The following IMMP2L variants were observed in gnomAD, a reference collection of about 807,000 sequenced individuals.
The protein encoded by IMMP2L is inner mitochondrial membrane peptidase subunit 2, also known as mitochondrial inner membrane protease subunit 2.
In IMMP2L, 18 loss-of-function variants were observed where a neutral mutation model predicts 19.3. The observed-to-expected ratio is 0.93, with a 90% CI of 0.64 to 1.38. IMMP2L has a LOEUF of 1.38. IMMP2L is among the 40% of genes most tolerant of loss of function. The pLI, the probability that IMMP2L is intolerant of heterozygous loss-of-function variation, is 0.00. For missense variants in IMMP2L, 233 were observed against 218.2 expected, an observed-to-expected ratio of 1.07 and a Z score of -0.43; for synonymous variants, 76 against 73.0, an observed-to-expected ratio of 1.04 and a Z score of -0.21.
At chr7:111,540,169 T>C (rs1001810743) in intron 1 of IMMP2L, among the ~76,000 whole-genome samples, 5 of 152,302 alleles carry the variant, frequency 3.3e-5, no homozygotes, top group Admixed American at 6.5e-5. Flanking sequence ...CAAACTCATA[T>C]TTAAATAATA....
chr7:111,551,495 G>GGTGTGTGTGT (rs60697579), intron 1 of IMMP2L, among the ~76,000 whole-genome samples: 43 of 145,354 alleles, frequency 3.0e-4, no homozygotes, highest in African/African-American at 5.1e-4. Flanking sequence ...GACTGTTAGA[G>GGTGTGTGTGT]GTGTGTGTGT....
In IMMP2L at chr7:110,714,210, A is replaced by G. The variant is rs147524414; in HGVS notation, c.409-50489T>C. ...CACATGGTTCTTTTTAATTCTGTTG[A>G]TGTGGTGAATCACATTTATTGACTT... is the stretch of plus-strand genomic sequence containing the variant. On this transcript the variant is annotated intron_variant, in intron 5 of 5. Coordinates refer to ENST00000405709, the MANE Select transcript of IMMP2L (RefSeq NM_032549.4). Among the ~76,000 whole-genome samples, 6 of 152,244 alleles carry G rather than the reference A, an allele frequency of 3.9e-5. No homozygotes were observed. The East Asian group carries it at 1.2e-3, about 30-fold the overall frequency.
At chr7:110,977,881 GT>G (rs2129557542) in intron 3 of IMMP2L, among the ~76,000 whole-genome samples, 1 of 152,064 alleles carries the variant, frequency 6.6e-6, no homozygotes, top group Non-Finnish European at 1.5e-5. Flanking sequence ...TGTTAAATTC[GT>G]AGCTAAATGT....
intron 1 of IMMP2L, among the ~76,000 whole-genome samples, chr7:111,544,470 C>T (rs1375681791): frequency 6.6e-6 from 1 of 151,996 alleles, no homozygotes; most frequent in East Asian, 1.9e-4. Flanking sequence ...AGAGAAAGAG[C>T]AAAGTTACTG....
At chr7:111,212,148 G>GTC (rs938901697) in intron 3 of IMMP2L, among the ~76,000 whole-genome samples, 9 of 150,542 alleles carry the variant, frequency 6.0e-5, no homozygotes, top group East Asian at 1.9e-4. Context: ...AGATCTCTCT[G>GTC]TCTCTCTCTC....
intron 3 of IMMP2L, chr7:111,124,111 A>G: frequency 6.2e-7 from 1 of 1,614,076 alleles, no homozygotes; most frequent in Non-Finnish European, 8.5e-7. Flanking sequence ...CTGTAGAGCT[A>G]CTGCAGAACC....
chr7:110,838,294 T>C (rs117371096), intron 5 of IMMP2L, among the ~76,000 whole-genome samples: 2,012 of 152,272 alleles, frequency 0.013, 17 homozygotes, highest in Middle Eastern at 0.054. Flanking sequence ...TAAATAGAAG[T>C]AGACGTTTTA....
intron 3 of IMMP2L, among the ~76,000 whole-genome samples, chr7:111,090,341 A>G (rs990067674): frequency 2.0e-5 from 3 of 152,120 alleles, no homozygotes; most frequent in Non-Finnish European, 4.4e-5. Context: ...AATTTAACTT[A>G]TTACAATCGA....
In IMMP2L at chr7:111,547,514, CCCT is replaced by C. The variant is rs367554150; in HGVS notation, c.-3+14334_-3+14336del. Among the ~76,000 whole-genome samples the C allele has an allele frequency of 2.0e-3, 306 of 150,478 alleles. 3 individuals carry two copies. The highest frequency in any genetic ancestry group is 7.1e-3 in the African/African-American group (290 of 40,590). The stretch of plus-strand genomic sequence containing the variant: ...CTAAACAAACTGTCATACCCCCCCC[CCCT>C]TTTTATCCTGCTTTTTTGCTTGTTT... On this transcript the variant is annotated intron_variant, in intron 1 of 5. Transcript: ENST00000405709.
At position 111,389,517 on chromosome 7, in the gene IMMP2L, T is replaced by C. The variant is rs140308442; in HGVS notation, c.239+97721A>G. Among the ~76,000 whole-genome samples, 444 of 151,954 alleles carry C rather than the reference T, an allele frequency of 2.9e-3. 3 individuals carry two copies. Among genetic ancestry groups the C allele is most frequent in the African/African-American group, 0.01 (416 of 41,410 alleles). Reference sequence around the variant, plus strand: ...TAAGGGAGTACTGGGGCATCATGTCTCCAATGTACTCTCAAGCCAAAAAAA... The same window carrying C: ...TAAGGGAGTACTGGGGCATCATGTCCCCAATGTACTCTCAAGCCAAAAAAA... On this transcript the variant is annotated intron_variant, in intron 3 of 5. Coordinates refer to ENST00000405709, the MANE Select transcript of IMMP2L (RefSeq NM_032549.4).
intron 5 of IMMP2L, among the ~76,000 whole-genome samples, chr7:110,742,103 G>T (rs1019419101): frequency 3.3e-5 from 5 of 152,254 alleles, no homozygotes; most frequent in African/African-American, 1.2e-4. Flanking sequence ...ACTAGCATGT[G>T]AGAACAACAG....
At chr7:110,749,846 T>C (rs1449233638) in intron 5 of IMMP2L, among the ~76,000 whole-genome samples, 1 of 152,084 alleles carries the variant, frequency 6.6e-6, no homozygotes, top group African/African-American at 2.4e-5. Flanking sequence ...TGTATACCTA[T>C]GTAACAAACC....
chr7:110,946,880 C>T (rs554805269), intron 4 of IMMP2L, among the ~76,000 whole-genome samples: 2 of 151,984 alleles, frequency 1.3e-5, no homozygotes, highest in African/African-American at 2.4e-5. Flanking sequence ...GCCACCACAC[C>T]CGGCTAATTT....
At chr7:111,465,239 G>A (rs910205989) in intron 3 of IMMP2L, among the ~76,000 whole-genome samples, 7 of 151,972 alleles carry the variant, frequency 4.6e-5, no homozygotes, top group Admixed American at 2.0e-4. Flanking sequence ...TGCTTACGAC[G>A]TATTTTTGAT....
intron 3 of IMMP2L, among the ~76,000 whole-genome samples, chr7:111,277,982 A>C (rs1562999639): frequency 6.6e-6 from 1 of 152,172 alleles, no homozygotes; most frequent in Non-Finnish European, 1.5e-5. Flanking sequence ...AATAACTTAG[A>C]AAGTCAAATA....
intron 3 of IMMP2L, among the ~76,000 whole-genome samples, chr7:111,079,622 C>A (rs886278935): frequency 6.6e-6 from 1 of 152,060 alleles, no homozygotes; most frequent in Non-Finnish European, 1.5e-5. Context: ...ATAGTAAAGA[C>A]CATAACATTT....
chr7:111,090,578 T>A, intron 3 of IMMP2L, among the ~76,000 whole-genome samples: 1 of 146,802 alleles, frequency 6.8e-6, no homozygotes, highest in Non-Finnish European at 1.5e-5. Flanking sequence ...ATTTTAAAAA[T>A]CTGGTCAATC....
At chr7:110,860,093 G>C (rs1366885679) in intron 5 of IMMP2L, among the ~76,000 whole-genome samples, 1 of 152,032 alleles carries the variant, frequency 6.6e-6, no homozygotes, top group Non-Finnish European at 1.5e-5. Context: ...TGATTAAGTA[G>C]AGATCAACAT....
intron 3 of IMMP2L, among the ~76,000 whole-genome samples, chr7:111,280,344 C>A (rs1819551597): frequency 6.6e-6 from 1 of 152,122 alleles, no homozygotes; most frequent in Non-Finnish European, 1.5e-5. Context: ...CATAACATCT[C>A]CTCAGATGTC....
Sources: allele counts gnomAD v4.1 joint callset (sites outside exome capture counted in the v4.1 genomes callset), GRCh38; gene constraint gnomAD v4.1.1; transcripts MANE v1.5; gene names NCBI Gene and HGNC (gene_info 2026-07-23, HGNC 2026-07-21).